The following TBCEL variants were observed in gnomAD, a reference collection of about 807,000 sequenced individuals.
TBCEL encodes the protein tubulin-specific chaperone cofactor E-like protein.
TBCEL carries 15 observed loss-of-function variants against 44.2 expected under a neutral mutation model. The observed-to-expected ratio is 0.34, with a 90% confidence interval of 0.23 to 0.52. The LOEUF (loss-of-function observed/expected upper bound fraction) is 0.52. Ranked by LOEUF, TBCEL falls within the 20% of genes least tolerant of loss-of-function variation. The pLI, the probability that TBCEL is intolerant of heterozygous loss-of-function variation, is 0.95. For synonymous variants in TBCEL, 171 were observed against 185.4 expected, an observed-to-expected ratio of 0.92 and a Z score of 0.63; for missense variants, 319 against 506.3, an observed-to-expected ratio of 0.63 and a Z score of 3.55.
At position 121,090,071 on chromosome 11, in the gene TBCEL, A is replaced by G. The variant is rs1946269079; in HGVS notation, c.*2975A>G. 6.6e-6 allele frequency: 1 copy of G among 152,192 alleles called. No homozygotes were observed. The highest frequency in any genetic ancestry group is 6.5e-5 in the Admixed American group (1 of 15,284). The allele number at this position is 152,192 out of a possible 1,614,324, so 9.4% of individuals were successfully genotyped here. A position where few individuals can be genotyped will look rare whatever the true frequency, so the allele number is the denominator to read the frequency against. On this transcript the variant is annotated 3_prime_UTR_variant, in exon 9 of 9. Transcript: ENST00000683345. ...TTTGCAGCCTTTTGCCAGCATTGCC[A>G]TAAATACGTAAGAAAGCAGCAGATA... is the stretch of plus-strand genomic sequence containing the variant.
chr11:121,035,420 A>G (rs1307231637), intron 1 of TBCEL: 2 of 151,576 alleles, frequency 1.3e-5, no homozygotes, highest in African/African-American at 4.8e-5. Context: ...CAGTATTGCC[A>G]TAGCACTAAA....
At chr11:121,074,369 A>G (rs895932296) in intron 8 of TBCEL, among the ~76,000 whole-genome samples, 4 of 152,024 alleles carry the variant, frequency 2.6e-5, no homozygotes, top group Admixed American at 2.6e-4. Flanking sequence ...TTTGTACACA[A>G]GTGTTCACAA....
intron 2 of TBCEL, among the ~76,000 whole-genome samples, chr11:121,043,989 TC>T (rs1945381911): frequency 6.6e-6 from 1 of 152,112 alleles, no homozygotes; most frequent in South Asian, 2.1e-4. Context: ...CTGGCTCTGT[TC>T]CTGCTTTCTT....
chr11:121,068,655 G>T (rs975617958), intron 8 of TBCEL, among the ~76,000 whole-genome samples: 1 of 152,088 alleles, frequency 6.6e-6, no homozygotes, highest in South Asian at 2.1e-4. Flanking sequence ...AGGCCAAGGT[G>T]TGCAGATCAT....
intron 1 of TBCEL, chr11:121,035,211 T>C (rs1945209982): frequency 6.6e-6 from 1 of 152,146 alleles, no homozygotes; most frequent in Admixed American, 6.5e-5. Context: ...CTAACCACCC[T>C]TTACCAATAT....
At chr11:121,051,711 G>A (rs1184222059) in intron 4 of TBCEL, among the ~76,000 whole-genome samples, 3 of 151,746 alleles carry the variant, frequency 2.0e-5, no homozygotes, top group African/African-American at 7.2e-5. Flanking sequence ...CAGAAGCCTA[G>A]TATATTTTCT....
intron 8 of TBCEL, among the ~76,000 whole-genome samples, chr11:121,073,089 C>A (rs1184615399): frequency 1.3e-5 from 2 of 151,980 alleles, no homozygotes. Context: ...GTAAGTTTCC[C>A]TACCTTGTTG....
rs1945452001 is a variant in TBCEL, at chr11:121,047,553, A to G, written c.159A>G (p.Leu53=). The G allele has an allele frequency of 1.9e-6, 3 of 1,612,448 alleles. No homozygotes were observed. The highest frequency in any genetic ancestry group is 1.3e-5 in the African/African-American group (1 of 74,788). The stretch of plus-strand genomic sequence containing the variant: ...ATCGCCTCAACCTCCCAAGTGTACT[A>G]GTGTTGAACAGCTGTGGAATAACCT... ...MKDRLNLPSV[L]VLNSCGITCA... is the part of the protein sequence containing the mutation. Residue 53 remains leucine (L), a synonymous_variant, in exon 4 of 9, where the codon CTA becomes CTG. Coordinates refer to ENST00000683345, the MANE Select transcript of TBCEL (RefSeq NM_001363644.2).
At chr11:121,033,377 C>G (rs1182873086) in intron 1 of TBCEL, among the ~76,000 whole-genome samples, 2 of 152,154 alleles carry the variant, frequency 1.3e-5, no homozygotes, top group Non-Finnish European at 2.9e-5. Flanking sequence ...ATTAGTCCCT[C>G]ATTAGTGATG....
intron 8 of TBCEL, among the ~76,000 whole-genome samples, chr11:121,084,820 C>G (rs1217362519): frequency 2.0e-5 from 3 of 151,924 alleles, no homozygotes; most frequent in Non-Finnish European, 4.4e-5. Context: ...AAGGCATATA[C>G]TAGGATATGG....
intron 2 of TBCEL, among the ~76,000 whole-genome samples, chr11:121,038,116 T>C (rs572754041): frequency 6.6e-6 from 1 of 151,892 alleles, no homozygotes; most frequent in African/African-American, 2.4e-5. Context: ...CGTGCCACCA[T>C]ACCCGGCTAA....
rs577053900 is a variant in TBCEL at position 121,062,151 on chromosome 11, A to G, written c.956+2066A>G. Reference sequence around the variant, plus strand: ...ATCCTGATCCTGATGGTCAGGATCAATATCACTATCTTCCACCTTCACATC... The same window carrying G: ...ATCCTGATCCTGATGGTCAGGATCAGTATCACTATCTTCCACCTTCACATC... On this transcript the variant is annotated intron_variant, in intron 8 of 8. Transcript: ENST00000683345. Among the ~76,000 whole-genome samples the G allele has an allele frequency of 3.3e-5, 5 of 152,154 alleles. No individual in the cohort carries two copies. The South Asian group carries it at 1.0e-3, about 32-fold the overall frequency.
chr11:121,034,081 G>C (rs920358097), intron 1 of TBCEL, among the ~76,000 whole-genome samples: 2 of 152,008 alleles, frequency 1.3e-5, no homozygotes, highest in Non-Finnish European at 2.9e-5. Context: ...GTACAAATAA[G>C]TTTTGACTCC....
At chr11:121,038,243 C>T (rs1242681905) in intron 2 of TBCEL, among the ~76,000 whole-genome samples, 3 of 152,098 alleles carry the variant, frequency 2.0e-5, no homozygotes, top group African/African-American at 7.2e-5. Flanking sequence ...GGATTACAGG[C>T]GTGAACCACT....
At chr11:121,032,126 T>G (rs1945157260) in intron 1 of TBCEL, among the ~76,000 whole-genome samples, 1 of 152,202 alleles carries the variant, frequency 6.6e-6, no homozygotes, top group Non-Finnish European at 1.5e-5. Context: ...GGAGGTGAAT[T>G]TTTTGGTAAG....
intron 1 of TBCEL, among the ~76,000 whole-genome samples, chr11:121,028,692 G>T (rs918566980): frequency 6.6e-6 from 1 of 152,134 alleles, no homozygotes; most frequent in African/African-American, 2.4e-5. Context: ...CACAACAGTG[G>T]TCACCGCAGT....
rs529699245 is a variant in TBCEL at position 121,024,797 on chromosome 11, G to A, written c.-126+506G>A. On this transcript the variant is annotated intron_variant, in intron 1 of 8. Transcript: ENST00000683345. ...GAAGGACGGGCATGTCTAGGCCCTT[G>A]GGACATTAGGCCTGCTCTTACCAGG... Among the ~76,000 whole-genome samples the A allele has an allele frequency of 2.0e-5, 3 of 152,286 alleles. No individual in the cohort carries two copies. In the East Asian group the frequency reaches 5.8e-4, roughly 29 times the overall value.
intron 8 of TBCEL, among the ~76,000 whole-genome samples, chr11:121,065,693 G>T (rs925056140): frequency 3.3e-5 from 5 of 152,182 alleles, no homozygotes; most frequent in Admixed American, 2.0e-4. Flanking sequence ...AAGCTATCTT[G>T]TATCCTTAGA....
At chr11:121,074,716 C>T (rs1273932969) in intron 8 of TBCEL, among the ~76,000 whole-genome samples, 1 of 151,940 alleles carries the variant, frequency 6.6e-6, no homozygotes, top group Non-Finnish European at 1.5e-5. Flanking sequence ...AAAAAAATCT[C>T]ATACTCCTCA....
Sources: allele counts gnomAD v4.1 joint callset (sites outside exome capture counted in the v4.1 genomes callset), GRCh38; gene constraint gnomAD v4.1.1; transcripts MANE v1.5; gene names NCBI Gene and HGNC (gene_info 2026-07-23, HGNC 2026-07-21).